Variants in ANKRD17 observed in about 807,000 individuals in gnomAD.
ANKRD17 encodes the protein ankyrin repeat domain 17, also known as ankyrin repeat domain-containing protein 17.
In ANKRD17, 19 loss-of-function variants were observed where a neutral mutation model predicts 229.7. The ratio of observed to expected loss-of-function variants is 0.08; its 90% CI spans 0.06 to 0.12. The LOEUF is 0.12. ANKRD17 is among the 10% of genes least tolerant of loss of function. The pLI, the probability that ANKRD17 is intolerant of heterozygous loss-of-function variation, is 1.00. For missense variants in ANKRD17, 2,176 were observed against 3,176.8 expected (o/e 0.68, Z 7.57); for synonymous variants, 1,112 against 1,146.1 (o/e 0.97, Z 0.60).
At chr4:73,113,454 T>C in intron 24 of ANKRD17, 1 of 1,130,166 alleles carries the variant, frequency 8.8e-7, no homozygotes, top group Non-Finnish European at 1.2e-6. Context: ...AATTACAAGG[T>C]CTAAAACAAT....
At chr4:73,086,950 A>ATATATATATC (rs1395320739) in intron 29 of ANKRD17, among the ~76,000 whole-genome samples, 1 of 94,204 alleles carries the variant, frequency 1.1e-5, no homozygotes, top group African/African-American at 4.2e-5. Context: ...ATATATATAT[A>ATATATATATC]TATCTGTAGG....
At chr4:73,197,219 T>G (rs1261992855) in intron 1 of ANKRD17, among the ~76,000 whole-genome samples, 1 of 152,154 alleles carries the variant, frequency 6.6e-6, no homozygotes. Flanking sequence ...ACCACTGAAG[T>G]CTTATATTCC....
In ANKRD17 at chr4:73,120,943, C is replaced by T. The variant is rs759578912; in HGVS notation, c.3787G>A (p.Gly1263Arg). 6.2e-7 allele frequency: 1 copy of T among 1,613,532 alleles called. No homozygotes were observed. ...NTALTLACFQ[G>R]RTEVVSLLLD... ...AGAAGACTAACCACTTCAGTTCTTC[C>T]TTGGAAGCAGGCTAAAGTAAGGGCA... The change falls in exon 20 of 34, where the codon GGA becomes AGA. Residue 1263 changes from glycine (G) to arginine (R), a missense_variant. Physicochemically the swap from Gly to Arg is moderately radical, Grantham distance 125. Transcript: ENST00000358602.
At chr4:73,218,693 C>T (rs1265519382) in intron 1 of ANKRD17, among the ~76,000 whole-genome samples, 3 of 150,188 alleles carry the variant, frequency 2.0e-5, no homozygotes, top group East Asian at 2.0e-4. Context: ...TCTTCTTCAT[C>T]TTCTTCTACT....
intron 2 of ANKRD17, among the ~76,000 whole-genome samples, chr4:73,174,004 T>A (rs187680921): frequency 2.7e-5 from 4 of 145,926 alleles, no homozygotes; most frequent in Admixed American, 2.1e-4. Context: ...AATCATTCTA[T>A]GAAGCCAGTA....
chr4:73,164,781 G>A (rs1193326168), intron 2 of ANKRD17, among the ~76,000 whole-genome samples: 1 of 149,076 alleles, frequency 6.7e-6, no homozygotes. Context: ...GACAAAATGA[G>A]ACTCTCTCCA....
intron 29 of ANKRD17, among the ~76,000 whole-genome samples, chr4:73,089,170 TG>T (rs1453216918): frequency 6.6e-6 from 1 of 151,780 alleles, no homozygotes; most frequent in African/African-American, 2.4e-5. Flanking sequence ...CCCAAGTAGC[TG>T]GGACTACAGG....
rs778978618 is a variant in ANKRD17, at chr4:73,140,274, T to C, written c.2342A>G (p.Lys781Arg). 1.7e-5 allele frequency: 27 copies of C among 1,591,336 alleles called. No homozygotes were observed. The Admixed American group carries it at 3.1e-4, about 18-fold the overall frequency. The change falls in exon 15 of 34, where the codon AAA (lysine) becomes AGA (arginine). Residue 781 changes from lysine (K) to arginine (R), a missense_variant. Lys to Arg is a conservative substitution (Grantham distance 26). This residue lies in a region of ANKRD17 where 275 missense variants were observed against 386.9 expected (regional missense o/e 0.71). Coordinates refer to ENST00000358602, the MANE Select transcript of ANKRD17 (RefSeq NM_032217.5). ...TLPIRNKAAS[K>R]QKSSSHLPAN... Reference sequence around the variant, plus strand: ...TGGCAAATGGCTGCTGGACTTTTGTTTAGAAGCAGCTGTGTGAAAAAGAAA... The same window carrying C: ...TGGCAAATGGCTGCTGGACTTTTGTCTAGAAGCAGCTGTGTGAAAAAGAAA...
intron 1 of ANKRD17, among the ~76,000 whole-genome samples, chr4:73,182,935 CT>C (rs905308921): frequency 2.0e-4 from 31 of 152,226 alleles, no homozygotes; most frequent in Admixed American, 1.9e-3. Flanking sequence ...CCAAAAATGT[CT>C]CCAGACATTG....
intron 27 of ANKRD17, among the ~76,000 whole-genome samples, chr4:73,095,880 G>A (rs1318375199): frequency 6.6e-6 from 1 of 151,902 alleles, no homozygotes; most frequent in Non-Finnish European, 1.5e-5. Context: ...AGCAGAGATG[G>A]GGTCTTGCTA....
At chr4:73,140,411 T>C (rs1253339830) in intron 14 of ANKRD17, 128 bp from the exon 15 acceptor site, 1 of 909,462 alleles carries the variant, frequency 1.1e-6, no homozygotes, top group Non-Finnish European at 1.5e-6. Flanking sequence ...GAAAATGCAC[T>C]GTTAAAAAAT....
At chr4:73,179,519 T>TATATA (rs1491097354) in intron 1 of ANKRD17, among the ~76,000 whole-genome samples, 22 of 35,938 alleles carry the variant, frequency 6.1e-4, no homozygotes, top group African/African-American at 1.9e-3. Context: ...TATATATATA[T>TATATA]TTTTTTTTTT....
chr4:73,120,061 A>C (rs1360942986), intron 21 of ANKRD17, 101 bp downstream of exon 21: 75 of 1,302,486 alleles, frequency 5.8e-5, no homozygotes, highest in Non-Finnish European at 7.7e-5. Context: ...TAAAAGAAGA[A>C]ATAATCACAT....
intron 1 of ANKRD17, among the ~76,000 whole-genome samples, chr4:73,197,370 T>C (rs1317862906): frequency 2.0e-5 from 3 of 152,172 alleles, no homozygotes; most frequent in Non-Finnish European, 2.9e-5. Flanking sequence ...ATTAAAATAA[T>C]ATAGTTTAGG....
intron 29 of ANKRD17, among the ~76,000 whole-genome samples, chr4:73,086,952 A>ATATATATC (rs1457638208): frequency 1.0e-5 from 1 of 96,780 alleles, no homozygotes. Flanking sequence ...ATATATATAT[A>ATATATATC]TCTGTAGGAT....
chr4:73,208,188 C>CAAAAAAA (rs36126530), intron 1 of ANKRD17, among the ~76,000 whole-genome samples: 1 of 67,960 alleles, frequency 1.5e-5, no homozygotes, highest in African/African-American at 5.4e-5. Context: ...GACTCCGTCT[C>CAAAAAAA]AAAAAAAAAA....
Position 73,089,430 on chromosome 4 carries a change from T to A in ANKRD17, c.6961+1237A>T, listed in dbSNP as rs1385828958. Among the ~76,000 whole-genome samples the A allele has an allele frequency of 2.0e-5, 3 of 152,162 alleles. No individual in the cohort carries two copies. In the South Asian group the frequency reaches 6.2e-4, roughly 31 times the overall value. On this transcript the variant is annotated intron_variant, in intron 29 of 33. Transcript: ENST00000358602. ...GCCCATAGACCATAGTGTGTCCATC[T>A]CTTACGTGGACTATCTTTAATTACT...
chr4:73,102,273 G>C, intron 25 of ANKRD17, 103 bp downstream of exon 25: 3 of 1,236,106 alleles, frequency 2.4e-6, no homozygotes, highest in Non-Finnish European at 2.2e-6. Context: ...TATGTTAAGG[G>C]GTTAATAACT....
chr4:73,097,564 AGCTGGGACCACAGGT>A (rs1387111037), intron 26 of ANKRD17, among the ~76,000 whole-genome samples: 1 of 151,814 alleles, frequency 6.6e-6, no homozygotes, highest in Admixed American at 6.6e-5. Flanking sequence ...CCTCCTGAGT[AGCTGGGACCACAGGT>A]GCATGCCATC....
Sources: allele counts gnomAD v4.1 joint callset (sites outside exome capture counted in the v4.1 genomes callset), GRCh38; gene constraint gnomAD v4.1.1; regional missense constraint gnomAD v4.1.1; transcripts MANE v1.5; gene names NCBI Gene and HGNC (gene_info 2026-07-23, HGNC 2026-07-21).